Variants in ABCA13 observed in about 807,000 individuals in gnomAD.
ABCA13 encodes the protein ATP binding cassette subfamily A member 13.
A neutral mutation model predicts 478.7 loss-of-function variants in ABCA13; 476 were observed. That is an observed-to-expected ratio of 0.99 (90% CI 0.92 to 1.07). ABCA13 has a LOEUF of 1.07. Among genes scored for constraint, ABCA13 ranks in the 50% least tolerant of loss-of-function variants. The pLI is 0.00. For synonymous variants in ABCA13, 2,252 were observed against 2,158.9 expected, an observed-to-expected ratio of 1.04 and a Z score of -1.20; for missense variants, 6,060 against 5,910.6, an observed-to-expected ratio of 1.03 and a Z score of -0.83.
chr7:48,376,479 G>A lies in ABCA13; in HGVS notation c.11242G>A (p.Gly3748Arg). ...TAATATGTACCAGGCTCTGGAACAA[G>A]GGGGCATGACATTTGGCTGGGTTTG... Reference protein sequence around the residue: ...WNNMYQALEQGGMTFGWVCWM... With the variant: ...WNNMYQALEQRGMTFGWVCWM... Residue 3748 changes from glycine (G) to arginine (R), a missense_variant, in exon 35 of 62, where the codon GGG (glycine) becomes AGG (arginine). Gly to Arg is a moderately radical substitution (Grantham distance 125). Around this residue, in one of 3 missense-constraint regions of ABCA13, gnomAD observed 4,423 missense variants for 4,309.1 expected, o/e 1.03. Coordinates refer to ENST00000435803, the MANE Select transcript of ABCA13 (RefSeq NM_152701.5). 2 of 1,613,862 alleles carry A rather than the reference G, an allele frequency of 1.2e-6. No individual in the cohort carries two copies. Among genetic ancestry groups the A allele is most frequent in the African/African-American group, 1.3e-5 (1 of 75,030 alleles).
At chr7:48,336,960 A>G (rs1638851381) in intron 28 of ABCA13, among the ~76,000 whole-genome samples, 1 of 152,248 alleles carries the variant, frequency 6.6e-6, no homozygotes, top group South Asian at 2.1e-4. Context: ...CTAGGAGAAC[A>G]TAAAACAGTG....
At position 48,506,330 on chromosome 7, in the gene ABCA13, T is replaced by G; in HGVS notation, c.13292-6T>G. On this transcript the variant is annotated splice_region_variant and splice_polypyrimidine_tract_variant and intron_variant, in intron 48 of 61. Coordinates refer to ENST00000435803, the MANE Select transcript of ABCA13 (RefSeq NM_152701.5). ...GAAGGCTCACTTTTCAATTTGTCTT[T>G]CACAGGAATAACACTCTACAGCCAC... 1.9e-6 allele frequency: 3 copies of G among 1,613,700 alleles called. No homozygotes were observed. Among genetic ancestry groups the G allele is most frequent in the Non-Finnish European group, 2.5e-6 (3 of 1,179,712 alleles).
At chr7:48,467,308 TA>T (rs1826990344) in intron 44 of ABCA13, among the ~76,000 whole-genome samples, 1 of 152,216 alleles carries the variant, frequency 6.6e-6, no homozygotes, top group South Asian at 2.1e-4. Flanking sequence ...AATTAATAAT[TA>T]ACAGCATTCA....
At position 48,273,613 on chromosome 7, in the gene ABCA13, A is replaced by G. The variant is rs1482497796; in HGVS notation, c.3947A>G (p.Tyr1316Cys). Residue 1316 changes from tyrosine (Y) to cysteine (C), a missense_variant, in exon 17 of 62, where the codon TAT (tyrosine) becomes TGT (cysteine). Transcript: ENST00000435803. ...NDFLSNNLTN[Y>C]GEKFENIITE... ...TTTCTTTCAAATAATCTCACAAATT[A>G]TGGAGAAAAATTTGAAAATATCATC... 3 of 1,599,450 alleles carry G rather than the reference A, an allele frequency of 1.9e-6. No individual in the cohort carries two copies. Among genetic ancestry groups the G allele is most frequent in the Non-Finnish European group, 2.6e-6 (3 of 1,171,892 alleles).
At chr7:48,612,846 A>T (rs1792161158) in intron 58 of ABCA13, among the ~76,000 whole-genome samples, 1 of 150,440 alleles carries the variant, frequency 6.6e-6, no homozygotes, top group African/African-American at 2.5e-5. Flanking sequence ...TTACTGAGAA[A>T]ATGGCCTTAA....
chr7:48,409,486 C>A (rs1443586193), intron 39 of ABCA13, among the ~76,000 whole-genome samples: 2 of 152,100 alleles, frequency 1.3e-5, no homozygotes, highest in Admixed American at 6.5e-5. Context: ...CACCCAAGTC[C>A]CCCTCCACCC....
intron 32 of ABCA13, among the ~76,000 whole-genome samples, chr7:48,370,048 G>A (rs908879783): frequency 1.9e-4 from 29 of 152,026 alleles, no homozygotes; most frequent in Admixed American, 4.6e-4. Context: ...CTTTGTTTGC[G>A]TCATCTGTGA....
At chr7:48,515,729 T>A (rs1832054623) in intron 51 of ABCA13, among the ~76,000 whole-genome samples, 1 of 152,204 alleles carries the variant, frequency 6.6e-6, no homozygotes, top group Non-Finnish European at 1.5e-5. Context: ...GAGTTACAGA[T>A]GGTACCCCCT....
intron 19 of ABCA13, among the ~76,000 whole-genome samples, chr7:48,283,349 T>C (rs914961030): frequency 7.2e-5 from 11 of 152,126 alleles, no homozygotes; most frequent in African/African-American, 2.4e-4. Flanking sequence ...GATAAATTTT[T>C]CTTTGTATTG....
At chr7:48,192,303 T>C (rs1369201645) in intron 1 of ABCA13, among the ~76,000 whole-genome samples, 2 of 152,200 alleles carry the variant, frequency 1.3e-5, no homozygotes, top group African/African-American at 4.8e-5. Context: ...ATTGCAATCA[T>C]TTGAGTAGCT....
chr7:48,280,558 G>T (rs1796901025), intron 18 of ABCA13, among the ~76,000 whole-genome samples: 1 of 152,198 alleles, frequency 6.6e-6, no homozygotes, highest in African/African-American at 2.4e-5. Flanking sequence ...AGATGCTGCA[G>T]CTGTCCCTAC....
chr7:48,465,534 T>A (rs1826777729), intron 43 of ABCA13, among the ~76,000 whole-genome samples: 1 of 151,870 alleles, frequency 6.6e-6, no homozygotes, highest in Admixed American at 6.6e-5. Flanking sequence ...CTTTTTTTTT[T>A]TTTTTGCATT....
Position 48,225,135 on chromosome 7 carries a change from G to GCCTTCCTGCCTTCCTT in ABCA13, c.469-2120_469-2119insGCCTTCCTTCCTTCCT, listed in dbSNP as rs1554353697. ...TGCCTGCCTGCCTGCCTGCCTGCCT[G>GCCTTCCTGCCTTCCTT]CCTTCCTTCCTTCCTTCCTTCCTTC... is the stretch of plus-strand genomic sequence containing the variant. On this transcript the variant is annotated intron_variant, in intron 5 of 61. Transcript: ENST00000435803. Among the ~76,000 whole-genome samples, 40 of 69,896 alleles carry GCCTTCCTGCCTTCCTT rather than the reference G, an allele frequency of 5.7e-4. 1 individual carries two copies. The highest frequency in any genetic ancestry group is 5.6e-4 in the Non-Finnish European group (19 of 34,194). The allele number at this position is 69,896 out of a possible 152,430, so 45.9% of individuals were successfully genotyped here.
chr7:48,609,967 T>C (rs1474025831), intron 58 of ABCA13, among the ~76,000 whole-genome samples: 1 of 152,174 alleles, frequency 6.6e-6, no homozygotes, highest in East Asian at 1.9e-4. Context: ...ATCTAAATCA[T>C]ATTATTTCAT....
intron 41 of ABCA13, among the ~76,000 whole-genome samples, chr7:48,426,672 A>G (rs1448334554): frequency 6.6e-6 from 1 of 152,216 alleles, no homozygotes; most frequent in African/African-American, 2.4e-5. Flanking sequence ...GTGCAGAGGA[A>G]GGGGTGATGG....
intron 43 of ABCA13, among the ~76,000 whole-genome samples, chr7:48,455,541 G>A (rs1825571472): frequency 6.6e-6 from 1 of 152,084 alleles, no homozygotes; most frequent in Non-Finnish European, 1.5e-5. Context: ...CATGGTGGCC[G>A]AGTCCCTGCG....
chr7:48,198,398 A>G, intron 3 of ABCA13, 38 bp downstream of exon 3: 2 of 1,610,296 alleles, frequency 1.2e-6, no homozygotes, highest in Non-Finnish European at 1.7e-6. Context: ...GAAATCTCAG[A>G]AAGCTGATAC....
At chr7:48,179,117 C>T (rs1259643859) in intron 1 of ABCA13, among the ~76,000 whole-genome samples, 8 of 151,884 alleles carry the variant, frequency 5.3e-5, no homozygotes, top group African/African-American at 9.7e-5. Flanking sequence ...GAGTTATTTA[C>T]TTTGGCCCAG....
At chr7:48,570,878 T>A (rs182546799) in intron 55 of ABCA13, among the ~76,000 whole-genome samples, 2 of 152,298 alleles carry the variant, frequency 1.3e-5, no homozygotes, top group Admixed American at 1.3e-4. Flanking sequence ...TTCATTCCTC[T>A]GTTCTTCTAT....
Sources: gnomAD v4.1 joint callset for allele counts (sites outside exome capture counted in the v4.1 genomes callset) on GRCh38, gnomAD v4.1.1 for gene constraint, gnomAD v4.1.1 regional missense constraint, MANE v1.5 for transcripts, NCBI Gene and HGNC (gene_info 2026-07-23, HGNC 2026-07-21) for gene names.